The following HHLA2 variants were observed in gnomAD, a reference collection of about 807,000 sequenced individuals.
HHLA2 encodes HHLA2 member of B7 family.
In HHLA2, 48 loss-of-function variants were observed where a neutral mutation model predicts 45.9. The ratio of observed to expected loss-of-function variants is 1.05; its 90% CI spans 0.83 to 1.33. The LOEUF (loss-of-function observed/expected upper bound fraction) is 1.33, where lower values mean the gene tolerates loss of function less well. Ranked by LOEUF, HHLA2 falls within the 40% of genes most tolerant of loss-of-function variation. The pLI, the probability that HHLA2 is intolerant of heterozygous loss-of-function variation, is 0.00. For synonymous variants in HHLA2, 161 were observed against 173.9 expected (o/e 0.93, Z 0.59); for missense variants, 462 against 494.3 (o/e 0.93, Z 0.62).
rs546153004 is a variant in HHLA2 at position 108,375,085 on chromosome 3, G to A, written c.1109-665G>A. Reference sequence around the variant, plus strand: ...GCAAAGACTTGGAACCAACCCAAATGTCCAACAATGATAGACTGGATTAAG... The same window carrying A: ...GCAAAGACTTGGAACCAACCCAAATATCCAACAATGATAGACTGGATTAAG... On this transcript the variant is annotated intron_variant, in intron 8 of 10. Transcript: ENST00000619531. Among the ~76,000 whole-genome samples, 1,003 of 150,934 alleles carry A rather than the reference G, an allele frequency of 6.6e-3. 6 individuals are homozygous for A. Among genetic ancestry groups the A allele is most frequent in the South Asian group, 0.027 (125 of 4,676 alleles).
intron 8 of HHLA2, among the ~76,000 whole-genome samples, chr3:108,363,907 C>T (rs1239486480): frequency 2.0e-5 from 3 of 152,044 alleles, no homozygotes; most frequent in African/African-American, 7.2e-5. Context: ...GGACAGAGAG[C>T]AGTTCCCAAA....
chr3:108,372,623 C>T (rs1576186598), intron 8 of HHLA2, among the ~76,000 whole-genome samples: 1 of 151,734 alleles, frequency 6.6e-6, no homozygotes, highest in Non-Finnish European at 1.5e-5. Flanking sequence ...CAAATAGATG[C>T]AATAAAAAAT....
intron 1 of HHLA2, among the ~76,000 whole-genome samples, chr3:108,305,200 G>A (rs1381443831): frequency 6.6e-6 from 1 of 152,126 alleles, no homozygotes; most frequent in Non-Finnish European, 1.5e-5. Flanking sequence ...ACCTGAGCAA[G>A]GATTAAAATG....
At chr3:108,316,076 A>G (rs1273030056) in intron 2 of HHLA2, among the ~76,000 whole-genome samples, 1 of 151,654 alleles carries the variant, frequency 6.6e-6, no homozygotes, top group Non-Finnish European at 1.5e-5. Context: ...ACAGCTTATG[A>G]CAAACAGTAA....
At chr3:108,347,759 G>T (rs2107442312) in intron 3 of HHLA2, among the ~76,000 whole-genome samples, 1 of 152,232 alleles carries the variant, frequency 6.6e-6, no homozygotes, top group Middle Eastern at 3.4e-3. Context: ...GCAAATAATG[G>T]AGTTTATCTA....
intron 3 of HHLA2, among the ~76,000 whole-genome samples, chr3:108,342,777 A>G (rs1429698946): frequency 2.0e-5 from 3 of 151,894 alleles, no homozygotes; most frequent in Non-Finnish European, 2.9e-5. Context: ...TCTTTGTTCT[A>G]TTGTCTGTCC....
chr3:108,376,595 T>C (rs1427131342), intron 10 of HHLA2, 38 bp downstream of exon 9: 7 of 1,552,658 alleles, frequency 4.5e-6, no homozygotes, highest in Admixed American at 1.7e-5. Flanking sequence ...ATATACAGTA[T>C]AAAAATGCTT....
At chr3:108,372,675 T>G (rs1412080686) in intron 8 of HHLA2, among the ~76,000 whole-genome samples, 1 of 152,160 alleles carries the variant, frequency 6.6e-6, no homozygotes, top group Non-Finnish European at 1.5e-5. Context: ...AAATACAAAC[T>G]ACCATCAGAG....
At chr3:108,357,702 T>C (rs1019271517) in intron 6 of HHLA2, 142 bp from the exon 6 acceptor site, 44 of 705,928 alleles carry the variant, frequency 6.2e-5, no homozygotes, top group African/African-American at 5.4e-4. Flanking sequence ...GAAACCACAG[T>C]ACAAATATAA....
chr3:108,331,017 T>C (rs1335796792), intron 3 of HHLA2, among the ~76,000 whole-genome samples: 1 of 152,124 alleles, frequency 6.6e-6, no homozygotes, highest in South Asian at 2.1e-4. Context: ...ACAAGGGGAA[T>C]GCAAAGGCTG....
chr3:108,334,936 C>G (rs2081445870), intron 3 of HHLA2, among the ~76,000 whole-genome samples: 1 of 152,142 alleles, frequency 6.6e-6, no homozygotes. Context: ...GGTGGTGATT[C>G]TCACTGCAAC....
intron 8 of HHLA2, among the ~76,000 whole-genome samples, chr3:108,367,454 C>A (rs1461564296): frequency 1.3e-5 from 2 of 151,832 alleles, no homozygotes; most frequent in Non-Finnish European, 2.9e-5. Context: ...AAGCTAAGAA[C>A]CTTGATAAAA....
At chr3:108,369,400 G>A (rs1013376078) in intron 8 of HHLA2, among the ~76,000 whole-genome samples, 3 of 152,144 alleles carry the variant, frequency 2.0e-5, no homozygotes, top group African/African-American at 7.2e-5. Context: ...GCAGAAGACG[G>A]GTGATTTCTG....
intron 10 of HHLA2, 129 bp downstream of exon 9, chr3:108,376,686 G>A: frequency 2.7e-6 from 2 of 734,762 alleles, no homozygotes; most frequent in South Asian, 1.8e-5. Flanking sequence ...AGCAGCAGGG[G>A]TTGCAGGATA....
At chr3:108,330,333 C>T (rs911505948) in intron 3 of HHLA2, among the ~76,000 whole-genome samples, 3 of 152,118 alleles carry the variant, frequency 2.0e-5, no homozygotes, top group Non-Finnish European at 4.4e-5. Context: ...TCTAAGGTGG[C>T]CCCCAAGATT....
chr3:108,342,703 T>C (rs2081594647), intron 3 of HHLA2, among the ~76,000 whole-genome samples: 1 of 152,236 alleles, frequency 6.6e-6, no homozygotes. Flanking sequence ...GCATTTTCTC[T>C]TCCATGTGGA....
intron 2 of HHLA2, among the ~76,000 whole-genome samples, chr3:108,316,188 G>A (rs181435405): frequency 6.4e-4 from 97 of 152,026 alleles, no homozygotes; most frequent in Admixed American, 1.4e-3. Context: ...CTGTGTCTAA[G>A]ATTCTTGGAA....
At chr3:108,301,690 A>T (rs1012458901) in intron 1 of HHLA2, among the ~76,000 whole-genome samples, 15 of 152,004 alleles carry the variant, frequency 9.9e-5, no homozygotes, top group East Asian at 1.9e-4. Flanking sequence ...TGCTTGGCAA[A>T]TTCTTGTAAT....
intron 1 of HHLA2, among the ~76,000 whole-genome samples, chr3:108,299,269 ACTT>A (rs1227262070): frequency 6.6e-6 from 1 of 151,558 alleles, no homozygotes; most frequent in Non-Finnish European, 1.5e-5. Context: ...AGGAAAATAA[ACTT>A]AGTTTAAAAA....
Sources: gnomAD v4.1 joint callset for allele counts (sites outside exome capture counted in the v4.1 genomes callset) on GRCh38, gnomAD v4.1.1 for gene constraint, MANE v1.5 for transcripts, NCBI Gene and HGNC (gene_info 2026-07-23, HGNC 2026-07-21) for gene names.